HORMAD2: variants seen among roughly 807,000 people sequenced by gnomAD.
The protein encoded by HORMAD2 is HORMA domain-containing protein 2.
HORMAD2 carries 45 observed loss-of-function variants against 38.8 expected under a neutral mutation model. The observed-to-expected ratio is 1.16, with a 90% confidence interval of 0.91 to 1.49. HORMAD2 has a LOEUF of 1.49. Among genes scored for constraint, HORMAD2 ranks in the 40% most tolerant of loss-of-function variants. The probability of loss-of-function intolerance (pLI) is 0.00; values close to 1 mark genes in which losing one functional copy is unlikely to be tolerated. For synonymous variants in HORMAD2, 126 were observed against 122.8 expected, an observed-to-expected ratio of 1.03 and a Z score of -0.17; for missense variants, 338 against 367.0, an observed-to-expected ratio of 0.92 and a Z score of 0.65.
In HORMAD2 at chr22:30,098,929, C is replaced by G; in HGVS notation, c.129C>G (p.Ile43Met). 1.2e-6 allele frequency: 2 copies of G among 1,613,376 alleles called. No individual in the cohort carries two copies. The highest frequency in any genetic ancestry group is 1.7e-6 in the Non-Finnish European group (2 of 1,179,408). ...KMVKKLFATSISCITYLRGLF... is the reference protein window; with the variant it reads ...KMVKKLFATSMSCITYLRGLF... Reference sequence around the variant, plus strand: ...TGAAGAAACTTTTTGCTACTTCCATCTCATGTATAACATACCTAAGGGGCC... The same window carrying G: ...TGAAGAAACTTTTTGCTACTTCCATGTCATGTATAACATACCTAAGGGGCC... The change falls in exon 3 of 11, where the codon ATC becomes ATG. Residue 43 changes from isoleucine to methionine, a missense_variant. Ile to Met is a conservative substitution (Grantham distance 10). Coordinates refer to ENST00000336726, the MANE Select transcript of HORMAD2 (RefSeq NM_152510.4).
intron 10 of HORMAD2, among the ~76,000 whole-genome samples, chr22:30,153,527 A>G (rs1287053185): frequency 1.3e-5 from 2 of 152,058 alleles, no homozygotes; most frequent in Non-Finnish European, 1.5e-5. Flanking sequence ...TTCTTCCCCC[A>G]TATCTTAACA....
intron 10 of HORMAD2, among the ~76,000 whole-genome samples, chr22:30,155,825 C>T (rs938031099): frequency 2.0e-5 from 3 of 152,184 alleles, no homozygotes; most frequent in Non-Finnish European, 4.4e-5. Flanking sequence ...TTATCATTAG[C>T]TTATTAATTT....
At chr22:30,080,431 G>A (rs1396441401), upstream of HORMAD2, 1 of 152,378 alleles carries the variant, frequency 6.6e-6, no homozygotes, top group Non-Finnish European at 1.5e-5. Context: ...GAGCCGAGGA[G>A]CGGGTTTGGG....
At position 30,088,116 on chromosome 22, in the gene HORMAD2, T is replaced by C. The variant is rs569011776; in HGVS notation, c.-37-5800T>C. On this transcript the variant is annotated intron_variant, in intron 1 of 10. Coordinates refer to ENST00000336726, the MANE Select transcript of HORMAD2 (RefSeq NM_152510.4). ...ACACACACGTACACACGTGTACATA[T>C]ACACACACGTACACATGTGTACATA... Among the ~76,000 whole-genome samples, 61 of 150,230 alleles carry C rather than the reference T, an allele frequency of 4.1e-4. No homozygotes were observed. The East Asian group carries it at 7.2e-3, about 18-fold the overall frequency.
intron 7 of HORMAD2, 32 bp downstream of exon 7, chr22:30,112,554 G>T (rs1157713417): frequency 4.0e-6 from 4 of 1,001,324 alleles, no homozygotes; most frequent in Non-Finnish European, 5.6e-6. Flanking sequence ...TAGGTGGGTA[G>T]TATATGTATA....
At chr22:30,187,029 C>T in the HORMAD2 span, among the ~76,000 whole-genome samples, 1 of 152,130 alleles carries the variant, frequency 6.6e-6, no homozygotes, top group Non-Finnish European at 1.5e-5. Flanking sequence ...TAGTTGAGGA[C>T]AAACATTGGC....
At position 30,176,991 on chromosome 22, in the gene HORMAD2, T is replaced by C. The variant is rs1926494741; in HGVS notation, c.*824T>C. 1 of 152,696 alleles carries C rather than the reference T, an allele frequency of 6.5e-6. No individual in the cohort carries two copies. Among genetic ancestry groups the C allele is most frequent in the Non-Finnish European group, 1.5e-5 (1 of 68,042 alleles). The allele number at this position is 152,696 out of a possible 1,614,324, so 9.5% of individuals were successfully genotyped here. A position where few individuals can be genotyped will look rare whatever the true frequency, so the allele number is the denominator to read the frequency against. Reference sequence around the variant, plus strand: ...AGATTTAGTAACTTATAAAATGAGGTTTAGTAATTTAATTTAAATGGATAG... The same window carrying C: ...AGATTTAGTAACTTATAAAATGAGGCTTAGTAATTTAATTTAAATGGATAG... On this transcript the variant is annotated 3_prime_UTR_variant, in exon 11 of 11. Transcript: ENST00000336726.
rs761955157 is a variant in HORMAD2, at chr22:30,176,141, AAGG to A, written c.899_901del (p.Lys300_Val301delinsIle). On this transcript the variant is annotated inframe_deletion, in exon 11 of 11. Transcript: ENST00000336726. ...GAAGAGGAAGGTCAGTGAACCAGTG[AAGG>A]TCTTCATCCCTAACAGAAAATGAAA... 3.1e-6 allele frequency: 5 copies of A among 1,610,720 alleles called. No individual in the cohort carries two copies. In the South Asian group the frequency reaches 5.5e-5, roughly 18 times the overall value.
chr22:30,187,171 C>T, the HORMAD2 span, among the ~76,000 whole-genome samples: 1 of 152,192 alleles, frequency 6.6e-6, no homozygotes, highest in Non-Finnish European at 1.5e-5. Context: ...CTTCATTTAA[C>T]ACTTAGGGTT....
At chr22:30,152,818 C>T (rs1791175672) in intron 10 of HORMAD2, among the ~76,000 whole-genome samples, 1 of 152,158 alleles carries the variant, frequency 6.6e-6, no homozygotes, top group African/African-American at 2.4e-5. Context: ...TGATCATATG[C>T]TCTTCTAGCT....
Position 30,093,959 on chromosome 22 carries a change from A to G in HORMAD2, c.7A>G (p.Thr3Ala), listed in dbSNP as rs2068737320. The change falls in exon 2 of 11, where the codon ACT becomes GCT. Residue 3 changes from threonine (T) to alanine (A), a missense_variant. Transcript: ENST00000336726. ...ATCCTGATACATTCCTACAATGGCC[A>G]CTGCTCAGCTTTCTCACTGCATCAC... is the stretch of plus-strand genomic sequence containing the variant. MATAQLSHCITIH... is the reference protein window; with the variant it reads MAAAQLSHCITIH... 1 of 1,605,936 alleles carries G rather than the reference A, an allele frequency of 6.2e-7. No homozygotes were observed. The highest frequency in any genetic ancestry group is 1.3e-5 in the African/African-American group (1 of 74,832).
At position 30,121,946 on chromosome 22, in the gene HORMAD2, GC is replaced by G. The variant is rs1461381319; in HGVS notation, c.569-15del. ...TGAAACTCAGTTTTCATGGCTTTTT[GC>G]CCTTTTCATTTCGCAGTGACCCCAC... On this transcript the variant is annotated splice_polypyrimidine_tract_variant and intron_variant, in intron 9 of 10. Coordinates refer to ENST00000336726, the MANE Select transcript of HORMAD2 (RefSeq NM_152510.4). 1.3e-6 allele frequency: 2 copies of G among 1,598,194 alleles called. No homozygotes were observed. Among genetic ancestry groups the G allele is most frequent in the Non-Finnish European group, 1.7e-6 (2 of 1,172,990 alleles).
the HORMAD2 span, among the ~76,000 whole-genome samples, chr22:30,200,819 G>A: frequency 1.3e-5 from 2 of 151,326 alleles, no homozygotes; most frequent in Non-Finnish European, 3.0e-5. Flanking sequence ...GCTCGATCTT[G>A]GCTCACTGCA....
intron 10 of HORMAD2, among the ~76,000 whole-genome samples, chr22:30,162,980 G>A (rs535436330): frequency 1.0e-3 from 152 of 152,236 alleles, no homozygotes; most frequent in African/African-American, 3.5e-3. Flanking sequence ...GGGATTACAG[G>A]CGTGAGCCAC....
intron 10 of HORMAD2, chr22:30,137,270 G>T: frequency 3.7e-6 from 2 of 540,880 alleles, no homozygotes; most frequent in South Asian, 3.3e-5. Flanking sequence ...TCAAACACAT[G>T]ACCCTTGAGG....
the HORMAD2 span, among the ~76,000 whole-genome samples, chr22:30,189,450 A>G: frequency 2.0e-5 from 3 of 151,776 alleles, no homozygotes; most frequent in African/African-American, 7.3e-5. Context: ...CACCACTTAC[A>G]GAGGACTTAC....
At chr22:30,090,950 G>C (rs1290818559) in intron 1 of HORMAD2, among the ~76,000 whole-genome samples, 1 of 152,062 alleles carries the variant, frequency 6.6e-6, no homozygotes, top group Non-Finnish European at 1.5e-5. Context: ...CTCCTATCTA[G>C]CTGTAATTTT....
At chr22:30,177,199 T>C (rs1188075216), downstream of HORMAD2, 5 of 152,298 alleles carry the variant, frequency 3.3e-5, no homozygotes, top group East Asian at 9.4e-4. Flanking sequence ...AAATATGGAT[T>C]ACTAGGCCTG....
the HORMAD2 span, among the ~76,000 whole-genome samples, chr22:30,182,463 C>T: frequency 1.6e-3 from 237 of 152,294 alleles, 1 homozygote; most frequent in Non-Finnish European, 3.1e-3. Context: ...GCCATGGCCA[C>T]TGTGATTAAC....
Sources: gnomAD v4.1 joint callset for allele counts (sites outside exome capture counted in the v4.1 genomes callset) on GRCh38, gnomAD v4.1.1 for gene constraint, MANE v1.5 for transcripts, NCBI Gene and HGNC (gene_info 2026-07-23, HGNC 2026-07-21) for gene names.